PSD3: variants seen among roughly 807,000 people sequenced by gnomAD.
PSD3 encodes pleckstrin and Sec7 domain containing 3, also known as PH and SEC7 domain-containing protein 3.
PSD3 carries 49 observed loss-of-function variants against 105.5 expected under a neutral mutation model. The ratio of observed to expected loss-of-function variants is 0.46; its 90% CI spans 0.37 to 0.59. The LOEUF (loss-of-function observed/expected upper bound fraction) is 0.59, where lower values mean the gene tolerates loss of function less well. Ranked by LOEUF, PSD3 falls within the 20% of genes least tolerant of loss-of-function variation. The pLI, the probability that PSD3 is intolerant of heterozygous loss-of-function variation, is 0.00. For synonymous variants in PSD3, 557 were observed against 457.8 expected (o/e 1.22, Z -2.77); for missense variants, 1,561 against 1,263.8 (o/e 1.24, Z -3.57).
chr8:18,675,425 C>T (rs1222767245), intron 9 of PSD3, among the ~76,000 whole-genome samples: 1 of 152,162 alleles, frequency 6.6e-6, no homozygotes, highest in East Asian at 1.9e-4. Flanking sequence ...ACACACTTGG[C>T]TCACCAGATT....
intron 14 of PSD3, among the ~76,000 whole-genome samples, chr8:18,564,859 T>C (rs1801634528): frequency 6.6e-6 from 1 of 152,104 alleles, no homozygotes; most frequent in African/African-American, 2.4e-5. Flanking sequence ...AGCGTGAGAA[T>C]CAAGCATAGG....
At chr8:18,824,860 G>A (rs1010270567) in intron 4 of PSD3, among the ~76,000 whole-genome samples, 1 of 152,116 alleles carries the variant, frequency 6.6e-6, no homozygotes, top group African/African-American at 2.4e-5. Context: ...CACGAGTCCA[G>A]CATCATCCTT....
chr8:18,685,909 C>G (rs575157844), intron 9 of PSD3, among the ~76,000 whole-genome samples: 1 of 152,238 alleles, frequency 6.6e-6, no homozygotes, highest in East Asian at 1.9e-4. Context: ...GGGATAAAGA[C>G]AGTGCACGGG....
At chr8:18,742,220 G>A (rs1804630234) in intron 9 of PSD3, among the ~76,000 whole-genome samples, 1 of 151,990 alleles carries the variant, frequency 6.6e-6, no homozygotes, top group African/African-American at 2.4e-5. Flanking sequence ...AAGAAACCTG[G>A]TATACTTTGC....
chr8:18,633,008 A>T (rs1427737742), intron 10 of PSD3, among the ~76,000 whole-genome samples: 1 of 152,022 alleles, frequency 6.6e-6, no homozygotes, highest in Non-Finnish European at 1.5e-5. Context: ...TATAAGACTG[A>T]TATTAATATC....
chr8:18,888,972 C>G (rs1300655125), intron 2 of PSD3, among the ~76,000 whole-genome samples: 1 of 152,114 alleles, frequency 6.6e-6, no homozygotes, highest in Non-Finnish European at 1.5e-5. Context: ...TGAAAGCACC[C>G]CTTACCCACC....
In PSD3 at chr8:18,535,200, A is replaced by G. The variant is rs34105224; in HGVS notation, c.*543T>C. 0.024 allele frequency: 3,816 copies of G among 158,492 alleles called. 72 individuals are homozygous for G. Among genetic ancestry groups the G allele is most frequent in the Admixed American group, 0.063 (1,043 of 16,598 alleles). The allele number at this position is 158,492 out of a possible 1,614,324, so 9.8% of individuals were successfully genotyped here. ...CTCAACAACAAGTGCTAAGCTGCACATGAAGCTGCCTCATATTGGAGCAAC... is the reference window on the plus strand; with the variant it reads ...CTCAACAACAAGTGCTAAGCTGCACGTGAAGCTGCCTCATATTGGAGCAAC... On this transcript the variant is annotated 3_prime_UTR_variant, in exon 16 of 16. Transcript: ENST00000327040.
intron 4 of PSD3, among the ~76,000 whole-genome samples, chr8:18,838,961 T>C (rs562377965): frequency 1.9e-4 from 29 of 152,044 alleles, no homozygotes; most frequent in Non-Finnish European, 2.2e-4. Flanking sequence ...GGTCTCTGAA[T>C]ATCCTATAGA....
chr8:18,955,998 C>T (rs1404363512), intron 1 of PSD3, among the ~76,000 whole-genome samples: 1 of 152,032 alleles, frequency 6.6e-6, no homozygotes, highest in South Asian at 2.1e-4. Flanking sequence ...GAACCCCTGA[C>T]CTCAGGTGAT....
At chr8:18,703,451 T>G (rs1223129307) in intron 9 of PSD3, among the ~76,000 whole-genome samples, 1 of 152,220 alleles carries the variant, frequency 6.6e-6, no homozygotes, top group Admixed American at 6.5e-5. Context: ...ACTAGGTGGT[T>G]GGACTCTGAG....
intron 2 of PSD3, among the ~76,000 whole-genome samples, chr8:18,920,506 GA>G (rs915710138): frequency 6.6e-6 from 1 of 152,166 alleles, no homozygotes; most frequent in African/African-American, 2.4e-5. Flanking sequence ...GTGATACTTT[GA>G]AATAGTAAAC....
At chr8:18,938,952 A>C (rs964668528) in intron 1 of PSD3, among the ~76,000 whole-genome samples, 5 of 152,190 alleles carry the variant, frequency 3.3e-5, no homozygotes, top group Non-Finnish European at 5.9e-5. Flanking sequence ...GAATGGGGAG[A>C]CTAGAGAAGA....
At chr8:18,946,751 A>G (rs1302187194) in intron 1 of PSD3, among the ~76,000 whole-genome samples, 1 of 151,704 alleles carries the variant, frequency 6.6e-6, no homozygotes, top group East Asian at 1.9e-4. Context: ...AAAAAAATAC[A>G]AAAGTTAGCT....
At chr8:18,884,245 T>C (rs980855967) in intron 2 of PSD3, among the ~76,000 whole-genome samples, 10 of 152,202 alleles carry the variant, frequency 6.6e-5, no homozygotes, top group Admixed American at 2.0e-4. Context: ...TAAGTAACTA[T>C]AATCCTTAAC....
chr8:18,586,248 G>A (rs145293283), intron 12 of PSD3, among the ~76,000 whole-genome samples: 12 of 152,258 alleles, frequency 7.9e-5, no homozygotes, highest in African/African-American at 2.4e-4. Flanking sequence ...GAGGTTGAGC[G>A]AATGGAGACT....
At chr8:18,966,623 C>T (rs370045914) in intron 1 of PSD3, among the ~76,000 whole-genome samples, 1 of 151,388 alleles carries the variant, frequency 6.6e-6, no homozygotes, top group Admixed American at 6.6e-5. Flanking sequence ...AAAAATACTT[C>T]CCTAGACCTC....
intron 9 of PSD3, among the ~76,000 whole-genome samples, chr8:18,675,498 A>G (rs2130927935): frequency 6.6e-6 from 1 of 152,302 alleles, no homozygotes; most frequent in Non-Finnish European, 1.5e-5. Context: ...TCATGTTGTA[A>G]AACTTAACTG....
At chr8:18,843,613 C>T (rs1814833201) in intron 4 of PSD3, among the ~76,000 whole-genome samples, 1 of 152,138 alleles carries the variant, frequency 6.6e-6, no homozygotes, top group South Asian at 2.1e-4. Context: ...ACACCCCTGA[C>T]CCAAGGGCAT....
At chr8:18,636,029 G>A (rs1807225501) in intron 10 of PSD3, among the ~76,000 whole-genome samples, 1 of 152,080 alleles carries the variant, frequency 6.6e-6, no homozygotes, top group African/African-American at 2.4e-5. Flanking sequence ...TGCAGGTTCT[G>A]CACATGTATC....
Sources: allele counts gnomAD v4.1 joint callset (sites outside exome capture counted in the v4.1 genomes callset), GRCh38; gene constraint gnomAD v4.1.1; transcripts MANE v1.5; gene names NCBI Gene and HGNC (gene_info 2026-07-23, HGNC 2026-07-21).